Variants in GABRD observed in about 807,000 individuals in gnomAD.
GABRD encodes the protein gamma-aminobutyric acid type A receptor subunit delta, also known as gamma-aminobutyric acid receptor subunit delta.
GABRD carries 25 observed loss-of-function variants against 47.3 expected under a neutral mutation model. The observed-to-expected ratio is 0.53, with a 90% CI of 0.39 to 0.74. The LOEUF (loss-of-function observed/expected upper bound fraction) is 0.74, where lower values mean the gene tolerates loss of function less well. Among genes scored for constraint, GABRD ranks in the 30% least tolerant of loss-of-function variants. The probability of loss-of-function intolerance (pLI) is 0.00; values close to 1 mark genes in which losing one functional copy is unlikely to be tolerated. For missense variants in GABRD, 497 were observed against 643.4 expected (o/e 0.77, Z 2.46); for synonymous variants, 314 against 278.8 (o/e 1.13, Z -1.26).
intron 1 of GABRD, 100 bp downstream of exon 1, chr1:2,019,591 C>T (rs1201986139): frequency 2.9e-6 from 2 of 688,018 alleles, no homozygotes; most frequent in Admixed American, 5.6e-5. Flanking sequence ...GAGCCCCGGG[C>T]CCCGGACCCC....
At chr1:2,022,997 G>A (rs3128322) in intron 1 of GABRD, among the ~76,000 whole-genome samples, 119,569 of 152,108 alleles carry the variant, frequency 0.79, 47,284 homozygotes, top group Middle Eastern at 0.86. Flanking sequence ...CCCCGACCCC[G>A]CTGCTGCTGC....
intron 4 of GABRD, chr1:2,027,181 C>T (rs1421920359): frequency 1.8e-5 from 6 of 327,474 alleles, no homozygotes; most frequent in African/African-American, 4.3e-5. Flanking sequence ...ACAAAAACAT[C>T]GGGATATTTT....
At chr1:2,025,269 G>A in intron 2 of GABRD, 65 bp from the exon 3 acceptor site, 6 of 1,580,848 alleles carry the variant, frequency 3.8e-6, no homozygotes, top group Non-Finnish European at 5.2e-6. Flanking sequence ...ACCCCGGCAG[G>A]GTCCCATCGT....
rs745866758 is a variant in GABRD at position 2,024,954 on chromosome 1, C to G, written c.81C>G (p.Asp27Glu). 2 of 1,612,008 alleles carry G rather than the reference C, an allele frequency of 1.2e-6. No individual in the cohort carries two copies. The highest frequency in any genetic ancestry group is 2.7e-5 in the African/African-American group (2 of 74,918). ...TTTGCATCCCCAGAGCGATGAATGA[C>G]ATCGGCGACTACGTGGGCTCCAACC... is the stretch of plus-strand genomic sequence containing the variant. Reference protein sequence around the residue: ...QQLRGTRAMNDIGDYVGSNLE... With the variant: ...QQLRGTRAMNEIGDYVGSNLE... The change falls in exon 2 of 9, where the codon GAC (aspartate) becomes GAG (glutamate). Residue 27 changes from aspartate to glutamate, a missense_variant. By Grantham distance (45) the Asp-to-Glu change is conservative (BLOSUM62 2). Transcript: ENST00000378585.
At position 2,025,050 on chromosome 1, in the gene GABRD, C is replaced by T. The variant is rs779883280; in HGVS notation, c.177C>T (p.Ile59=). 6.5e-5 allele frequency: 105 copies of T among 1,611,672 alleles called. No homozygotes were observed. In the East Asian group the frequency reaches 1.2e-3, roughly 18 times the overall value. Residue 59 remains isoleucine (I), a synonymous_variant, in exon 2 of 9, where the codon ATC becomes ATT. Coordinates refer to ENST00000378585, the MANE Select transcript of GABRD (RefSeq NM_000815.5). ...AGYARNFRPG[I]GGPPVNVALA... ...ACGCCCGCAACTTCCGGCCTGGCAT[C>T]GGAGGTGAGGGGCGGTCCAGGCCCG...
chr1:2,025,193 C>A, intron 2 of GABRD, 139 bp downstream of exon 2: 4 of 1,281,138 alleles, frequency 3.1e-6, no homozygotes, highest in Non-Finnish European at 4.5e-6. Flanking sequence ...CAGAGCCAGG[C>A]CCCCACAGAG....
chr1:2,028,672 G>A lies in GABRD; in HGVS notation c.691+380G>A, dbSNP rs1278177298. ...AGGGCTCAGGAGCCAAGCTTTCCTT[G>A]GCTACCTTGTCTCCCAGCCCCACTT... On this transcript the variant is annotated intron_variant, in intron 6 of 8. Coordinates refer to ENST00000378585, the MANE Select transcript of GABRD (RefSeq NM_000815.5). The surrounding 1 kb of genome is among the most constrained non-coding windows in gnomAD (Gnocchi z 6.4). 6.6e-6 allele frequency among the ~76,000 whole-genome samples: 1 copy of A among 152,174 alleles called. No homozygotes were observed. The highest frequency in any genetic ancestry group is 1.5e-5 in the Non-Finnish European group (1 of 68,038).
At chr1:2,019,788 C>G (rs891590366) in intron 1 of GABRD, among the ~76,000 whole-genome samples, 2 of 152,180 alleles carry the variant, frequency 1.3e-5, no homozygotes, top group Non-Finnish European at 2.9e-5. Flanking sequence ...TCCCGGTTCC[C>G]CTGCTCCGCG....
Position 2,030,417 on chromosome 1 carries a change from CAA to C in GABRD, c.*136_*137del. On this transcript the variant is annotated 3_prime_UTR_variant, in exon 9 of 9. Transcript: ENST00000378585. ...TGGGATGACAGTCGGCCACGGAAAACAAGAGGAAGCCTCGGCCTCCCTGAGCT... is the reference window on the plus strand; with the variant it reads ...TGGGATGACAGTCGGCCACGGAAAACGAGGAAGCCTCGGCCTCCCTGAGCT... 2 of 787,830 alleles carry C rather than the reference CAA, an allele frequency of 2.5e-6. No individual in the cohort carries two copies. The highest frequency in any genetic ancestry group is 3.1e-5 in the East Asian group (1 of 32,302). 48.8% of individuals were successfully genotyped at this position (787,830 alleles called of 1,614,324 possible). A position where few individuals can be genotyped will look rare whatever the true frequency, so the allele number is the denominator to read the frequency against.
rs529397567 is a variant in GABRD, at chr1:2,029,918, G to A, written c.1060-65G>A. On this transcript the variant is annotated intron_variant, in intron 8 of 8. Coordinates refer to ENST00000378585, the MANE Select transcript of GABRD (RefSeq NM_000815.5). ...GGGGCCCCCGCATGGGAACACCTGT[G>A]GTCCAGGGCCCTGGGAGCTGCACCC... 3.8e-6 allele frequency: 6 copies of A among 1,586,650 alleles called. No homozygotes were observed. The African/African-American group carries it at 4.0e-5, about 11-fold the overall frequency.
intron 7 of GABRD, 44 bp downstream of exon 7, chr1:2,029,310 C>G: frequency 6.5e-7 from 1 of 1,532,672 alleles, no homozygotes; most frequent in Non-Finnish European, 8.7e-7. Context: ...GAAGGGCGGC[C>G]CTGGGGAACA....
At chr1:2,023,816 A>T (rs1282202104) in intron 1 of GABRD, 1 of 152,202 alleles carries the variant, frequency 6.6e-6, no homozygotes, top group African/African-American at 2.4e-5. Context: ...TATGACAATC[A>T]CCACAAACTG....
At position 2,028,328 on chromosome 1, in the gene GABRD, G is replaced by C. The variant is rs200692687; in HGVS notation, c.691+36G>C. 1.1e-5 allele frequency: 18 copies of C among 1,580,644 alleles called. No individual in the cohort carries two copies. Among genetic ancestry groups the C allele is most frequent in the Non-Finnish European group, 1.5e-5 (17 of 1,161,664 alleles). On this transcript the variant is annotated intron_variant, in intron 6 of 8. Coordinates refer to ENST00000378585, the MANE Select transcript of GABRD (RefSeq NM_000815.5). This position sits in a 1 kb window ranked among gnomAD's most constrained non-coding sequence, Gnocchi z 6.4. ...CCCGCCGCCCCTTCCGCATGTGCCCGCCGCCCCTTCCGCGCGCGCCCACCG... is the reference window on the plus strand; with the variant it reads ...CCCGCCGCCCCTTCCGCATGTGCCCCCCGCCCCTTCCGCGCGCGCCCACCG...
chr1:2,025,839 T>G, intron 4 of GABRD, 101 bp downstream of exon 4: 6 of 1,045,526 alleles, frequency 5.7e-6, no homozygotes, highest in East Asian at 2.6e-5. Context: ...CGGCTTCTGC[T>G]GCCGGGAGCT....
rs1288790142 is a variant in GABRD, at chr1:2,029,083, G to A, written c.692-28G>A. The A allele has an allele frequency of 4.6e-6, 7 of 1,537,800 alleles. No individual in the cohort carries two copies. The African/African-American group carries it at 9.6e-5, about 21-fold the overall frequency. Reference sequence around the variant, plus strand: ...GGTTGGGCTGGGCTGGGCAGGGATGGGGGCACTGACGGTGGCTGTCCTGGC... The same window carrying A: ...GGTTGGGCTGGGCTGGGCAGGGATGAGGGCACTGACGGTGGCTGTCCTGGC... On this transcript the variant is annotated intron_variant, in intron 6 of 8. Coordinates refer to ENST00000378585, the MANE Select transcript of GABRD (RefSeq NM_000815.5).
intron 3 of GABRD, 32 bp from the exon 4 acceptor site, chr1:2,025,486 G>A: frequency 1.2e-6 from 2 of 1,611,086 alleles, no homozygotes; most frequent in Non-Finnish European, 8.5e-7. Context: ...GTGGAGCAAG[G>A]CTGACCCCCG....
At chr1:2,025,865 G>C (rs369516333) in intron 4 of GABRD, 127 bp downstream of exon 4, 121 of 745,476 alleles carry the variant, frequency 1.6e-4, no homozygotes, top group Middle Eastern at 7.6e-4. Context: ...GCGGGCGGAG[G>C]GGGGGGCAGA....
In GABRD at chr1:2,019,481, C is replaced by A; in HGVS notation, c.58C>A (p.Arg20Ser). The change falls in exon 1 of 9, where the codon CGC becomes AGC. Residue 20 changes from arginine (R) to serine (S), a missense_variant. By Grantham distance (110) the Arg-to-Ser change is moderately radical. Transcript: ENST00000378585. Reference protein sequence around the residue: ...PLLLLCAQQLRGTRAMNDIGD... With the variant: ...PLLLLCAQQLSGTRAMNDIGD... ...CCTGCTCCTCTGCGCGCAGCAGCTC[C>A]GCGGCACCAGGTGAGCGGGCGGGGT... 2 of 1,098,446 alleles carry A rather than the reference C, an allele frequency of 1.8e-6. No individual in the cohort carries two copies. The highest frequency in any genetic ancestry group is 8.8e-5 in the South Asian group (2 of 22,746). 68.0% of individuals were successfully genotyped at this position (1,098,446 alleles called of 1,614,324 possible).
In GABRD at chr1:2,028,175, A is replaced by G. The variant is rs766753329; in HGVS notation, c.574A>G (p.Ile192Val). Residue 192 changes from isoleucine (I) to valine (V), a missense_variant, in exon 6 of 9, where the codon ATC becomes GTC. Physicochemically the swap from Ile to Val is conservative, Grantham distance 29. This residue lies in a region of GABRD where 285 missense variants were observed against 436.6 expected (regional missense o/e 0.65). Coordinates refer to ENST00000378585, the MANE Select transcript of GABRD (RefSeq NM_000815.5). This position sits in a 1 kb window ranked among gnomAD's most constrained non-coding sequence, Gnocchi z 6.4. ...TCCAGACGGTTACTCATCGGAGGACATCGTCTACTACTGGTCGGAGAGCCA... is the reference window on the plus strand; with the variant it reads ...TCCAGACGGTTACTCATCGGAGGACGTCGTCTACTACTGGTCGGAGAGCCA... The part of the protein sequence containing the change: ...LESYGYSSED[I>V]VYYWSESQEH... 3 of 1,611,846 alleles carry G rather than the reference A, an allele frequency of 1.9e-6. No homozygotes were observed. Among genetic ancestry groups the G allele is most frequent in the Non-Finnish European group, 2.5e-6 (3 of 1,179,320 alleles).
Sources: allele counts gnomAD v4.1 joint callset (sites outside exome capture counted in the v4.1 genomes callset), GRCh38; gene constraint gnomAD v4.1.1; regional missense constraint gnomAD v4.1.1; non-coding constraint Gnocchi (gnomAD v3.1); transcripts MANE v1.5; gene names NCBI Gene and HGNC (gene_info 2026-07-23, HGNC 2026-07-21).